DSCAM: variants seen among roughly 807,000 people sequenced by gnomAD.
DSCAM encodes DS cell adhesion molecule.
Under a neutral mutation model 217.7 loss-of-function variants are expected in DSCAM, and 47 were observed. That is an observed-to-expected ratio of 0.22 (90% CI 0.17 to 0.28). The LOEUF (loss-of-function observed/expected upper bound fraction) is 0.28, where lower values mean the gene tolerates loss of function less well. Among genes scored for constraint, DSCAM ranks in the 10% least tolerant of loss-of-function variants. The pLI is 1.00. For synonymous variants in DSCAM, 1,056 were observed against 1,015.3 expected (o/e 1.04, Z -0.76); for missense variants, 2,080 against 2,618.3 (o/e 0.79, Z 4.49).
intron 21 of DSCAM, among the ~76,000 whole-genome samples, chr21:40,089,040 T>C (rs1291998331): frequency 6.6e-6 from 1 of 152,228 alleles, no homozygotes; most frequent in Non-Finnish European, 1.5e-5. Context: ...TGTTGTTCTT[T>C]AACATTCTGG....
chr21:40,161,263 G>A (rs1043887750), intron 16 of DSCAM, among the ~76,000 whole-genome samples: 2 of 152,112 alleles, frequency 1.3e-5, no homozygotes, highest in African/African-American at 4.8e-5. Flanking sequence ...AAACCGAGAG[G>A]AGTAACCCAA....
intron 15 of DSCAM, among the ~76,000 whole-genome samples, chr21:40,175,229 C>T (rs1218493821): frequency 6.6e-6 from 1 of 152,170 alleles, no homozygotes; most frequent in African/African-American, 2.4e-5. Flanking sequence ...CCTGTCTCAG[C>T]CTCCCAAGTA....
At chr21:40,494,079 C>T (rs2076098311) in intron 3 of DSCAM, among the ~76,000 whole-genome samples, 1 of 151,698 alleles carries the variant, frequency 6.6e-6, no homozygotes, top group Non-Finnish European at 1.5e-5. Context: ...TCAAAGCACA[C>T]CACTAAACAA....
chr21:40,241,701 G>C (rs1372515196), intron 11 of DSCAM, among the ~76,000 whole-genome samples: 2 of 152,138 alleles, frequency 1.3e-5, no homozygotes, highest in Non-Finnish European at 2.9e-5. Context: ...GCAAGCAAAT[G>C]TTCACTGAAG....
At chr21:40,451,082 G>A (rs1014625447) in intron 3 of DSCAM, among the ~76,000 whole-genome samples, 2 of 152,148 alleles carry the variant, frequency 1.3e-5, no homozygotes, top group Non-Finnish European at 2.9e-5. Flanking sequence ...GGGCAGGAAG[G>A]CCAAAGATTT....
At chr21:40,026,820 T>TGAC (rs2088396097) in intron 32 of DSCAM, among the ~76,000 whole-genome samples, 1 of 17,418 alleles carries the variant, frequency 5.7e-5, no homozygotes, top group Admixed American at 7.2e-4. Context: ...TCTTGACTCT[T>TGAC]TCTTTATCCA....
intron 11 of DSCAM, among the ~76,000 whole-genome samples, chr21:40,215,197 G>A (rs1285928595): frequency 1.1e-4 from 3 of 26,574 alleles, no homozygotes; most frequent in African/African-American, 2.1e-4. Flanking sequence ...CCGCAGTCCG[G>A]CCTGGGCGAC....
intron 3 of DSCAM, among the ~76,000 whole-genome samples, chr21:40,560,454 G>C (rs1381185177): frequency 6.6e-6 from 1 of 152,174 alleles, no homozygotes; most frequent in Non-Finnish European, 1.5e-5. Flanking sequence ...CAAGAACCCT[G>C]ATGCCGATGT....
intron 19 of DSCAM, among the ~76,000 whole-genome samples, chr21:40,127,592 A>G (rs2090108823): frequency 6.6e-6 from 1 of 152,186 alleles, no homozygotes. Flanking sequence ...TGAGCTGCAG[A>G]TGCTTCTGTG....
At chr21:40,534,810 T>C (rs913065353) in intron 3 of DSCAM, among the ~76,000 whole-genome samples, 1 of 152,224 alleles carries the variant, frequency 6.6e-6, no homozygotes, top group Admixed American at 6.5e-5. Flanking sequence ...ATTTAATCTA[T>C]TATCAATTAT....
intron 3 of DSCAM, among the ~76,000 whole-genome samples, chr21:40,456,200 C>T (rs2075762266): frequency 6.6e-6 from 1 of 151,464 alleles, no homozygotes; most frequent in Non-Finnish European, 1.5e-5. Context: ...TCACAATGCC[C>T]TAAGAATAGT....
chr21:40,211,149 C>T (rs528957391), intron 11 of DSCAM, among the ~76,000 whole-genome samples: 5 of 152,266 alleles, frequency 3.3e-5, no homozygotes, highest in South Asian at 2.1e-4. Context: ...TTTCACTAAG[C>T]GTAATGCCCT....
intron 10 of DSCAM, among the ~76,000 whole-genome samples, chr21:40,282,711 A>G (rs61376706): frequency 0.04 from 6,078 of 152,078 alleles, 435 homozygotes; most frequent in African/African-American, 0.14. Flanking sequence ...AAAAATTTAC[A>G]TGAATATCCA....
chr21:40,305,842 T>C (rs1222275841), intron 9 of DSCAM, among the ~76,000 whole-genome samples: 2 of 152,224 alleles, frequency 1.3e-5, no homozygotes, highest in African/African-American at 2.4e-5. Flanking sequence ...TTGGTTACTG[T>C]AGCCTTGTAG....
At chr21:40,491,949 T>C (rs566786630) in intron 3 of DSCAM, among the ~76,000 whole-genome samples, 3 of 152,206 alleles carry the variant, frequency 2.0e-5, no homozygotes, top group Non-Finnish European at 4.4e-5. Flanking sequence ...CATTTGATCA[T>C]ACTATGTAAT....
At chr21:40,575,346 A>T (rs2076841183) in intron 3 of DSCAM, among the ~76,000 whole-genome samples, 1 of 152,134 alleles carries the variant, frequency 6.6e-6, no homozygotes, top group Non-Finnish European at 1.5e-5. Context: ...CACCCAGGTG[A>T]TTAAAAAGCT....
chr21:40,041,266 TC>T (rs1398408407), intron 32 of DSCAM, among the ~76,000 whole-genome samples: 1 of 152,128 alleles, frequency 6.6e-6, no homozygotes, highest in Non-Finnish European at 1.5e-5. Flanking sequence ...ATTGGATAGA[TC>T]AGTCTGTGAA....
chr21:40,592,880 G>T (rs1468186545), intron 3 of DSCAM, among the ~76,000 whole-genome samples: 4 of 152,150 alleles, frequency 2.6e-5, no homozygotes, highest in Non-Finnish European at 5.9e-5. Flanking sequence ...GCCCTTAAGA[G>T]TTCAGAAGAA....
At chr21:40,197,727 G>A (rs888525160) in intron 11 of DSCAM, among the ~76,000 whole-genome samples, 8 of 151,904 alleles carry the variant, frequency 5.3e-5, no homozygotes, top group Admixed American at 3.3e-4. Flanking sequence ...GTCCTTTCAC[G>A]TCTCAGATCA....
Sources: allele counts gnomAD v4.1 joint callset (sites outside exome capture counted in the v4.1 genomes callset), GRCh38; gene constraint gnomAD v4.1.1; transcripts MANE v1.5; gene names NCBI Gene and HGNC (gene_info 2026-07-23, HGNC 2026-07-21).